Variants in GLDN observed in about 807,000 individuals in gnomAD.
GLDN encodes gliomedin.
GLDN carries 47 observed loss-of-function variants against 56.5 expected under a neutral mutation model. That is an observed-to-expected ratio of 0.83 (90% confidence interval 0.66 to 1.06). The LOEUF (loss-of-function observed/expected upper bound fraction) is 1.06. Ranked by LOEUF, GLDN falls within the 50% of genes least tolerant of loss-of-function variation. GLDN has a pLI of 0.00. For missense variants in GLDN, 782 were observed against 714.3 expected, an observed-to-expected ratio of 1.09 and a Z score of -1.08; for synonymous variants, 332 against 278.8, an observed-to-expected ratio of 1.19 and a Z score of -1.90.
At chr15:51,366,617 A>G (rs1324656755) in intron 1 of GLDN, among the ~76,000 whole-genome samples, 2 of 152,238 alleles carry the variant, frequency 1.3e-5, no homozygotes, top group African/African-American at 4.8e-5. Flanking sequence ...TCTTTATTAA[A>G]ATAGCATGAA....
rs1448687431 is a variant in GLDN at position 51,383,451 on chromosome 15, C to T, written c.431C>T (p.Pro144Leu). 3 of 1,613,970 alleles carry T rather than the reference C, an allele frequency of 1.9e-6. No individual in the cohort carries two copies. In the South Asian group the frequency reaches 3.3e-5, roughly 18 times the overall value. Residue 144 changes from proline (P) to leucine (L), a missense_variant and splice_region_variant, in exon 3 of 10, where the codon CCA becomes CTA. Physicochemically the swap from Pro to Leu is moderately conservative, Grantham distance 98. Coordinates refer to ENST00000335449, the MANE Select transcript of GLDN (RefSeq NM_181789.4). Reference sequence around the variant, plus strand: ...TCCGTTGTAGGACCTTCTGGACCACCAGGTAAGAGCCCATGGATTTTCTAG... The same window carrying T: ...TCCGTTGTAGGACCTTCTGGACCACTAGGTAAGAGCCCATGGATTTTCTAG... ...GICLTGPSGPPGPPGAGGLPG... is the reference protein window; with the variant it reads ...GICLTGPSGPLGPPGAGGLPG...
chr15:51,397,481 G>A lies in GLDN; in HGVS notation c.700G>A (p.Asp234Asn). The part of the protein sequence containing the change: ...NDVLLAGAKG[D>N]QGPPGPPGPP... The stretch of plus-strand genomic sequence containing the variant: ...CTCTCTCTCTCCAGGTGCCAAAGGT[G>A]ACCAAGGCCCACCCGGTCCACCTGG... Residue 234 changes from aspartate to asparagine, a missense_variant, in exon 6 of 10, where the codon GAC becomes AAC. Physicochemically the swap from Asp to Asn is conservative, Grantham distance 23. Transcript: ENST00000335449. The A allele has an allele frequency of 2.0e-6, 3 of 1,530,866 alleles. No homozygotes were observed. The highest frequency in any genetic ancestry group is 2.6e-6 in the Non-Finnish European group (3 of 1,136,502). 94.8% of individuals were successfully genotyped at this position (1,530,866 alleles called of 1,614,324 possible).
chr15:51,376,736 TA>T (rs2037639392), intron 1 of GLDN, among the ~76,000 whole-genome samples: 2 of 152,252 alleles, frequency 1.3e-5, no homozygotes, highest in Admixed American at 1.3e-4. Context: ...GTTTACTTTT[TA>T]AGCTTTTTTG....
chr15:51,394,164 A>G (rs1663816100), intron 4 of GLDN, among the ~76,000 whole-genome samples: 1 of 152,104 alleles, frequency 6.6e-6, no homozygotes, highest in Non-Finnish European at 1.5e-5. Flanking sequence ...TGTATTTAAC[A>G]CTCACTATTA....
chr15:51,405,089 A>G lies in GLDN; in HGVS notation c.*335A>G, dbSNP rs1014063674. On this transcript the variant is annotated 3_prime_UTR_variant, in exon 10 of 10. Coordinates refer to ENST00000335449, the MANE Select transcript of GLDN (RefSeq NM_181789.4). ...ATTCTTGGTGGCTGCTCTTCTCACA[A>G]CTTTTATGTATCTGCTTCTGTCGTT... is the stretch of plus-strand genomic sequence containing the variant. 10 of 229,050 alleles carry G rather than the reference A, an allele frequency of 4.4e-5. No individual in the cohort carries two copies. Among genetic ancestry groups the G allele is most frequent in the East Asian group, 1.1e-4 (1 of 8,850 alleles). The allele number at this position is 229,050 out of a possible 1,614,324, so 14.2% of individuals were successfully genotyped here. A position where few individuals can be genotyped will look rare whatever the true frequency, so the allele number is the denominator to read the frequency against.
At chr15:51,380,179 T>G (rs1193558717) in intron 2 of GLDN, among the ~76,000 whole-genome samples, 1 of 152,200 alleles carries the variant, frequency 6.6e-6, no homozygotes, top group East Asian at 1.9e-4. Context: ...CTGTGCATAC[T>G]TTATTGACCC....
At chr15:51,375,432 A>G (rs999960762) in intron 1 of GLDN, among the ~76,000 whole-genome samples, 1 of 152,262 alleles carries the variant, frequency 6.6e-6, no homozygotes, top group Non-Finnish European at 1.5e-5. Context: ...ACTGTTTTAC[A>G]TGAACAAAAG....
At chr15:51,352,106 G>C (rs1253792389) in intron 1 of GLDN, among the ~76,000 whole-genome samples, 1 of 151,944 alleles carries the variant, frequency 6.6e-6, no homozygotes. Context: ...ATTTCTTATG[G>C]TTCTGGCAGC....
At chr15:51,388,300 CT>C (rs1055165999) in intron 4 of GLDN, among the ~76,000 whole-genome samples, 3 of 152,126 alleles carry the variant, frequency 2.0e-5, no homozygotes, top group African/African-American at 7.2e-5. Flanking sequence ...AAATATTGAT[CT>C]TTCCCTGAAA....
chr15:51,406,099 A>AG lies in GLDN; in HGVS notation c.*1349dup, dbSNP rs1350715553. On this transcript the variant is annotated 3_prime_UTR_variant, in exon 10 of 10. Coordinates refer to ENST00000335449, the MANE Select transcript of GLDN (RefSeq NM_181789.4). Reference sequence around the variant, plus strand: ...AGGATGTGACTTGCGTTTTGAGTAGAGGGGAAGGCTGATAACGGCGTAAGA... The same window carrying AG: ...AGGATGTGACTTGCGTTTTGAGTAGAGGGGGAAGGCTGATAACGGCGTAAGA... 1 of 152,204 alleles carries AG rather than the reference A, an allele frequency of 6.6e-6. No homozygotes were observed. The highest frequency in any genetic ancestry group is 1.5e-5 in the Non-Finnish European group (1 of 68,046). The allele number at this position is 152,204 out of a possible 1,614,324, so 9.4% of individuals were successfully genotyped here.
chr15:51,404,394 G>C lies in GLDN; in HGVS notation c.1296G>C (p.Lys432Asn). ...KTYFNLAVDE[K>N]GLWIIYASSV... ...ACTTCAATCTAGCTGTAGATGAAAA[G>C]GGCCTTTGGATTATCTATGCGTCAA... is the stretch of plus-strand genomic sequence containing the variant. Residue 432 changes from lysine (K) to asparagine (N), a missense_variant, in exon 10 of 10, where the codon AAG becomes AAC. By Grantham distance (94) the Lys-to-Asn change is moderately conservative. Transcript: ENST00000335449. The C allele has an allele frequency of 6.2e-7, 1 of 1,614,148 alleles. No homozygotes were observed. Among genetic ancestry groups the C allele is most frequent in the East Asian group, 2.2e-5 (1 of 44,886 alleles).
In GLDN at chr15:51,353,441, C is replaced by T. The variant is rs536432550; in HGVS notation, c.363+11394C>T. ...AACCTGTTGGGTAGTTATGCCTCTG[C>T]GTGACCACTGATGATAAGATTTGGC... On this transcript the variant is annotated intron_variant, in intron 1 of 9. Coordinates refer to ENST00000335449, the MANE Select transcript of GLDN (RefSeq NM_181789.4). 2.2e-4 allele frequency among the ~76,000 whole-genome samples: 33 copies of T among 152,244 alleles called. 1 individual carries two copies. Among genetic ancestry groups the T allele is most frequent in the Non-Finnish European group, 4.1e-4 (28 of 68,016 alleles).
intron 2 of GLDN, among the ~76,000 whole-genome samples, chr15:51,378,118 T>C (rs1294503348): frequency 1.2e-4 from 18 of 152,184 alleles, no homozygotes; most frequent in Non-Finnish European, 2.9e-5. Flanking sequence ...TTACCTGCCT[T>C]GCATTAGGAG....
chr15:51,388,648 C>G (rs148188662), intron 4 of GLDN, among the ~76,000 whole-genome samples: 64 of 152,294 alleles, frequency 4.2e-4, no homozygotes, highest in African/African-American at 1.4e-3. Context: ...TATAACTTGT[C>G]TAATGTCAAA....
chr15:51,386,687 C>T (rs1038247944), intron 4 of GLDN, among the ~76,000 whole-genome samples: 6 of 152,144 alleles, frequency 3.9e-5, no homozygotes, highest in Non-Finnish European at 8.8e-5. Context: ...CCTCCGTAGG[C>T]GGGGGACAGC....
chr15:51,355,675 C>T (rs917870312), intron 1 of GLDN, among the ~76,000 whole-genome samples: 4 of 151,048 alleles, frequency 2.6e-5, no homozygotes, highest in African/African-American at 9.7e-5. Flanking sequence ...AGGCACGCAC[C>T]AACACACCCG....
chr15:51,369,882 G>A (rs1007274617), intron 1 of GLDN, among the ~76,000 whole-genome samples: 3 of 152,232 alleles, frequency 2.0e-5, no homozygotes, highest in East Asian at 1.9e-4. Context: ...TTGGGAGGCC[G>A]ACACAGGAGG....
intron 1 of GLDN, among the ~76,000 whole-genome samples, chr15:51,363,767 A>C (rs1046736386): frequency 2.0e-5 from 3 of 152,234 alleles, no homozygotes; most frequent in Non-Finnish European, 4.4e-5. Context: ...GCCCTTGAAG[A>C]GCAGGTGGTT....
intron 1 of GLDN, chr15:51,367,284 T>C (rs2037424494): frequency 6.6e-6 from 1 of 152,208 alleles, no homozygotes; most frequent in South Asian, 2.1e-4. Context: ...ATGGAGTTTT[T>C]CTCCAAAGCC....
Sources: allele counts gnomAD v4.1 joint callset (sites outside exome capture counted in the v4.1 genomes callset), GRCh38; gene constraint gnomAD v4.1.1; transcripts MANE v1.5; gene names NCBI Gene and HGNC (gene_info 2026-07-23, HGNC 2026-07-21).